Variants in RASA3 observed in about 807,000 individuals in gnomAD.
RASA3 encodes the protein RAS p21 protein activator 3.
Under a neutral mutation model 110.0 loss-of-function variants are expected in RASA3, and 73 were observed. That is an observed-to-expected ratio of 0.66 (90% confidence interval 0.55 to 0.81). RASA3 has a LOEUF of 0.81. Among genes scored for constraint, RASA3 ranks in the 30% least tolerant of loss-of-function variants. The probability of loss-of-function intolerance (pLI) is 0.00; values close to 1 mark genes in which losing one functional copy is unlikely to be tolerated. For synonymous variants in RASA3, 500 were observed against 451.4 expected (o/e 1.11, Z -1.37); for missense variants, 976 against 1,113.2 (o/e 0.88, Z 1.75).
At chr13:114,003,365 C>T (rs931049071) in intron 18 of RASA3, among the ~76,000 whole-genome samples, 8 of 152,190 alleles carry the variant, frequency 5.3e-5, no homozygotes, top group Admixed American at 2.0e-4. Flanking sequence ...GAACCTGTAT[C>T]TACAGCAGCT....
intron 1 of RASA3, among the ~76,000 whole-genome samples, chr13:114,095,305 T>C (rs2079928695): frequency 6.6e-6 from 1 of 152,196 alleles, no homozygotes; most frequent in Non-Finnish European, 1.5e-5. Flanking sequence ...CAGTGGTTTT[T>C]AGTATATTCA....
intron 4 of RASA3, among the ~76,000 whole-genome samples, chr13:114,034,115 C>T (rs1042953285): frequency 2.0e-5 from 3 of 151,148 alleles, no homozygotes; most frequent in South Asian, 2.1e-4. Flanking sequence ...TGGCTATCCA[C>T]GGGCTAAAGG....
rs554138719 is a variant in RASA3 at position 113,991,579 on chromosome 13, A to G, written c.2245+906T>C. Among the ~76,000 whole-genome samples the G allele has an allele frequency of 7.0e-4, 106 of 152,196 alleles. 1 individual carries two copies. The highest frequency in any genetic ancestry group is 6.4e-3 in the Admixed American group (98 of 15,296). On this transcript the variant is annotated intron_variant, in intron 22 of 23. Coordinates refer to ENST00000334062, the MANE Select transcript of RASA3 (RefSeq NM_007368.4). ...TCTCCTGAATCACAGACCTCAAACC[A>G]CTGTCCCCATGTGGTCTAACTGGGC...
At position 114,057,243 on chromosome 13, in the gene RASA3, G is replaced by A. The variant is rs2079260346; in HGVS notation, c.174-5088C>T. On this transcript the variant is annotated intron_variant, in intron 2 of 23. Transcript: ENST00000334062. The surrounding 1 kb of genome is among the most constrained non-coding windows in gnomAD (Gnocchi z 5.0). Reference sequence around the variant, plus strand: ...AAAGTTATTACTAACTTTGTTTCCTGCGGGTCACCTCAAGTCTTTCAGGAA... The same window carrying A: ...AAAGTTATTACTAACTTTGTTTCCTACGGGTCACCTCAAGTCTTTCAGGAA... The A allele has an allele frequency of 1.0e-6, 1 of 985,078 alleles. No individual in the cohort carries two copies. Among genetic ancestry groups the A allele is most frequent in the East Asian group, 1.1e-4 (1 of 8,822 alleles). 61.0% of individuals were successfully genotyped at this position (985,078 alleles called of 1,614,324 possible).
At chr13:113,999,469 A>C (rs1264457820) in intron 20 of RASA3, 116 bp downstream of exon 20, 18 of 771,208 alleles carry the variant, frequency 2.3e-5, no homozygotes. Context: ...AGACTCTGAG[A>C]AGCCTGGAGT....
At chr13:114,069,742 T>C (rs9525372) in intron 2 of RASA3, among the ~76,000 whole-genome samples, 89 of 378 alleles carry the variant, frequency 0.24, 7 homozygotes, top group African/African-American at 0.39. Flanking sequence ...GCTCGGGGGC[T>C]GGGAGACTTG....
chr13:114,116,702 A>G (rs1443552050), intron 1 of RASA3, among the ~76,000 whole-genome samples: 1 of 152,264 alleles, frequency 6.6e-6, no homozygotes, highest in Non-Finnish European at 1.5e-5. Context: ...TGGAGCCTGC[A>G]GGTTTGGAGA....
chr13:114,077,261 C>T (rs968199292), intron 1 of RASA3, among the ~76,000 whole-genome samples: 6 of 152,206 alleles, frequency 3.9e-5, no homozygotes, highest in African/African-American at 7.2e-5. Context: ...GATCCCCCTG[C>T]GCTGGCGCCA....
chr13:113,996,680 C>T lies in RASA3; in HGVS notation c.1992G>A (p.Glu664=), dbSNP rs770459445. 1 of 1,613,890 alleles carries T rather than the reference C, an allele frequency of 6.2e-7. No individual in the cohort carries two copies. Among genetic ancestry groups the T allele is most frequent in the Admixed American group, 1.7e-5 (1 of 60,030 alleles). ...TGAGAATGTCGATCCAGTCCTTGGC[C>T]TCCACGCAGTTGTTGGCCTGGATGT... ...ALYIQANNCV[E]AKDWIDILTK... The change falls in exon 21 of 24, where the codon GAG becomes GAA. Residue 664 remains glutamate (E), a synonymous_variant. Transcript: ENST00000334062.
intron 1 of RASA3, among the ~76,000 whole-genome samples, chr13:114,101,062 G>T (rs187762995): frequency 6.6e-6 from 1 of 152,190 alleles, no homozygotes; most frequent in Non-Finnish European, 1.5e-5. Context: ...GCAGCCGGGG[G>T]TGTAGGGACA....
rs1594317554 is a variant in RASA3, at chr13:114,011,841, G to A, written c.1513-593C>T. Reference sequence around the variant, plus strand: ...GGAGGCTGACGCACGAGAATTGCTTGAACCCAGGAGGCAGAGGTTGCAGTG... The same window carrying A: ...GGAGGCTGACGCACGAGAATTGCTTAAACCCAGGAGGCAGAGGTTGCAGTG... On this transcript the variant is annotated intron_variant, in intron 15 of 23. Transcript: ENST00000334062. This position sits in a 1 kb window ranked among gnomAD's most constrained non-coding sequence, Gnocchi z 4.8. Among the ~76,000 whole-genome samples the A allele has an allele frequency of 1.3e-5, 2 of 152,048 alleles. No homozygotes were observed. The highest frequency in any genetic ancestry group is 3.9e-4 in the East Asian group (2 of 5,176).
chr13:113,999,964 GT>G (rs1464593958), intron 19 of RASA3, among the ~76,000 whole-genome samples: 1 of 30,978 alleles, frequency 3.2e-5, no homozygotes, highest in Non-Finnish European at 6.7e-5. Flanking sequence ...CTGGGGGGGG[GT>G]CTCTGCTGGG....
At chr13:114,044,697 A>C (rs2079023833) in intron 3 of RASA3, among the ~76,000 whole-genome samples, 1 of 149,562 alleles carries the variant, frequency 6.7e-6, no homozygotes, top group South Asian at 2.1e-4. Flanking sequence ...GAATAAAGCC[A>C]CATGAAAGCA....
intron 8 of RASA3, among the ~76,000 whole-genome samples, chr13:114,022,219 T>C (rs2053941552): frequency 6.6e-6 from 1 of 152,174 alleles, no homozygotes. Flanking sequence ...TGCTCATGTC[T>C]AACACAGCAG....
chr13:114,017,473 T>C (rs957935057), intron 11 of RASA3, 122 bp from the exon 12 acceptor site: 9 of 774,750 alleles, frequency 1.2e-5, no homozygotes, highest in Non-Finnish European at 1.8e-5. Context: ...ATCAGTCGGC[T>C]TCCTGACATT....
intron 1 of RASA3, among the ~76,000 whole-genome samples, chr13:114,083,247 A>T (rs920586784): frequency 6.6e-6 from 1 of 152,246 alleles, no homozygotes; most frequent in African/African-American, 2.4e-5. Context: ...TAACCGCTAT[A>T]TACAAGATTA....
rs1226250958 is a variant in RASA3 at position 114,014,397 on chromosome 13, G to A, written c.1405+812C>T. ...GACTGTCTGATGTCCTGAGAATCAG[G>A]GGTGGGGACAGCGTTTGTCTCCTGG... is the stretch of plus-strand genomic sequence containing the variant. On this transcript the variant is annotated intron_variant, in intron 14 of 23. Coordinates refer to ENST00000334062, the MANE Select transcript of RASA3 (RefSeq NM_007368.4). This position sits in a 1 kb window ranked among gnomAD's most constrained non-coding sequence, Gnocchi z 4.5. 6.6e-6 allele frequency among the ~76,000 whole-genome samples: 1 copy of A among 152,186 alleles called. No individual in the cohort carries two copies. The highest frequency in any genetic ancestry group is 2.4e-5 in the African/African-American group (1 of 41,448).
chr13:114,080,661 C>CAACAGCTGA, intron 1 of RASA3, among the ~76,000 whole-genome samples: 1 of 40,788 alleles, frequency 2.5e-5, no homozygotes, highest in Admixed American at 3.2e-4. Context: ...CTGACCCCGA[C>CAACAGCTGA]AACGGCTGAA....
chr13:114,055,371 A>G (rs533422593), intron 2 of RASA3, among the ~76,000 whole-genome samples: 1 of 152,238 alleles, frequency 6.6e-6, no homozygotes, highest in South Asian at 2.1e-4. Flanking sequence ...GTGTAAAGTC[A>G]CAGCTGCAGG....
Sources: allele counts gnomAD v4.1 joint callset (sites outside exome capture counted in the v4.1 genomes callset), GRCh38; gene constraint gnomAD v4.1.1; non-coding constraint Gnocchi (gnomAD v3.1); transcripts MANE v1.5; gene names NCBI Gene and HGNC (gene_info 2026-07-23, HGNC 2026-07-21).